The following MTMR10 variants were observed in gnomAD, a reference collection of about 807,000 sequenced individuals.
The protein encoded by MTMR10 is myotubularin related protein 10.
Under a neutral mutation model 88.1 loss-of-function variants are expected in MTMR10, and 56 were observed. The ratio of observed to expected loss-of-function variants is 0.64; its 90% CI spans 0.51 to 0.79. The LOEUF (loss-of-function observed/expected upper bound fraction) is 0.79. Ranked by LOEUF, MTMR10 falls within the 30% of genes least tolerant of loss-of-function variation. The pLI, the probability that MTMR10 is intolerant of heterozygous loss-of-function variation, is 0.00. For missense variants in MTMR10, 883 were observed against 924.7 expected (o/e 0.95, Z 0.58); for synonymous variants, 380 against 340.9 (o/e 1.11, Z -1.26).
In MTMR10 at chr15:30,939,376, G is replaced by A. The variant is rs1566939309; in HGVS notation, c.*2094C>T. Reference sequence around the variant, plus strand: ...TGCTGAGCTCTCTCTAGTGCGCCCTGTGCAGCCACACCACTGCTGTCACCA... The same window carrying A: ...TGCTGAGCTCTCTCTAGTGCGCCCTATGCAGCCACACCACTGCTGTCACCA... On this transcript the variant is annotated 3_prime_UTR_variant, in exon 16 of 16. Coordinates refer to ENST00000435680, the MANE Select transcript of MTMR10 (RefSeq NM_017762.3). 1.0e-6 allele frequency: 1 copy of A among 985,456 alleles called. No homozygotes were observed. The highest frequency in any genetic ancestry group is 1.1e-4 in the East Asian group (1 of 8,820). 61.0% of individuals were successfully genotyped at this position (985,456 alleles called of 1,614,324 possible). A position where few individuals can be genotyped will look rare whatever the true frequency, so the allele number is the denominator to read the frequency against.
At chr15:30,951,801 T>C (rs2063251098) in intron 12 of MTMR10, among the ~76,000 whole-genome samples, 167 bp downstream of exon 12, 1 of 152,160 alleles carries the variant, frequency 6.6e-6, no homozygotes. Context: ...GCCCAGCCTG[T>C]GCCACTGTTT....
At chr15:30,957,793 C>T (rs763279095) in intron 9 of MTMR10, among the ~76,000 whole-genome samples, 1 of 152,054 alleles carries the variant, frequency 6.6e-6, no homozygotes, top group African/African-American at 2.4e-5. Flanking sequence ...AAGGGAAGAG[C>T]GCTGGACAAT....
chr15:30,923,516 G>C, the MTMR10 span, among the ~76,000 whole-genome samples: 1 of 152,154 alleles, frequency 6.6e-6, no homozygotes, highest in Admixed American at 6.5e-5. Context: ...ACTGGCCATA[G>C]CTCTTGTTAT....
chr15:30,987,994 G>C (rs1200848987), intron 2 of MTMR10, among the ~76,000 whole-genome samples: 1 of 151,366 alleles, frequency 6.6e-6, no homozygotes, highest in East Asian at 1.9e-4. Flanking sequence ...TATTGATTCT[G>C]ATAGTCACAA....
At chr15:30,990,304 T>C (rs1289880226) in intron 2 of MTMR10, among the ~76,000 whole-genome samples, 2 of 152,170 alleles carry the variant, frequency 1.3e-5, no homozygotes. Flanking sequence ...TGGCCCCAAA[T>C]GTCAATTAAG....
chr15:30,926,890 G>C, the MTMR10 span: 1 of 985,450 alleles, frequency 1.0e-6, no homozygotes, highest in Non-Finnish European at 1.2e-6. Flanking sequence ...AACTCTGGCT[G>C]CCAGGCTTTA....
chr15:30,923,620 G>A, the MTMR10 span, among the ~76,000 whole-genome samples: 1 of 152,248 alleles, frequency 6.6e-6, no homozygotes, highest in East Asian at 1.9e-4. Flanking sequence ...AGCCAGCCCC[G>A]GCCTGGCCAG....
chr15:30,947,550 C>T (rs768182722), intron 13 of MTMR10, among the ~76,000 whole-genome samples: 2 of 152,184 alleles, frequency 1.3e-5, no homozygotes, highest in African/African-American at 2.4e-5. Context: ...CACAGTTGAG[C>T]GGGTTGCCAC....
intron 3 of MTMR10, among the ~76,000 whole-genome samples, chr15:30,975,327 T>C (rs1301568970): frequency 6.6e-6 from 1 of 152,144 alleles, no homozygotes; most frequent in Non-Finnish European, 1.5e-5. Context: ...GTGGGTAAAA[T>C]CATGTTTGAT....
At chr15:30,928,613 T>C in the MTMR10 span, 1 of 1,613,360 alleles carries the variant, frequency 6.2e-7, no homozygotes, top group Non-Finnish European at 8.5e-7. Context: ...TGGGACATCA[T>C]CTTCATGGAT....
intron 15 of MTMR10, chr15:30,942,294 G>A (rs1379708617): frequency 1.6e-6 from 1 of 607,092 alleles, no homozygotes; most frequent in Non-Finnish European, 2.8e-6. Context: ...AGCCTGAATG[G>A]GGGCGGGATG....
intron 14 of MTMR10, chr15:30,943,792 G>A (rs1445801598): frequency 1.0e-6 from 1 of 985,440 alleles, no homozygotes; most frequent in Non-Finnish European, 1.2e-6. Flanking sequence ...TTGTGAGGAA[G>A]ACATGGAGCT....
At chr15:30,968,213 T>C in intron 5 of MTMR10, 1 of 403,856 alleles carries the variant, frequency 2.5e-6, no homozygotes. Flanking sequence ...ACATTGTTTA[T>C]CTTTAGCTAG....
chr15:30,954,686 G>A (rs2063297260), intron 10 of MTMR10, 77 bp downstream of exon 10: 1 of 1,326,674 alleles, frequency 7.5e-7, no homozygotes, highest in African/African-American at 1.5e-5. Flanking sequence ...ACATTTTTAA[G>A]AACATCACTT....
chr15:30,958,862 C>A lies in MTMR10; in HGVS notation c.935+1G>T. On this transcript the variant is annotated splice_donor_variant, in intron 9 of 15. Coordinates refer to ENST00000435680, the MANE Select transcript of MTMR10 (RefSeq NM_017762.3). LOFTEE classifies it high-confidence loss of function. ...AGTGACAATGACCATTTCTCAATTA[C>A]CTCTGGTCAATCTTCCTCTGCTGCA... 1 of 1,613,318 alleles carries A rather than the reference C, an allele frequency of 6.2e-7. No individual in the cohort carries two copies. The highest frequency in any genetic ancestry group is 8.5e-7 in the Non-Finnish European group (1 of 1,179,310).
intron 2 of MTMR10, among the ~76,000 whole-genome samples, chr15:30,979,396 T>C (rs2088831014): frequency 6.8e-6 from 1 of 146,180 alleles, no homozygotes; most frequent in Admixed American, 6.8e-5. Context: ...CCATCTCTAT[T>C]AAAAAAAAAA....
chr15:30,925,156 G>A, the MTMR10 span: 21 of 1,613,764 alleles, frequency 1.3e-5, no homozygotes, highest in Middle Eastern at 1.6e-4. Flanking sequence ...AGGGGCTGGC[G>A]GATCCGGAAG....
At chr15:30,924,015 C>G in the MTMR10 span, among the ~76,000 whole-genome samples, 14 of 152,202 alleles carry the variant, frequency 9.2e-5, no homozygotes, top group Admixed American at 2.0e-4. Context: ...TCCCCAAGCC[C>G]TGGCGACGAC....
chr15:30,921,849 G>GCCACCCCAAACA, the MTMR10 span, among the ~76,000 whole-genome samples: 3 of 152,318 alleles, frequency 2.0e-5, no homozygotes, highest in South Asian at 6.2e-4. Context: ...AATCCCTCTT[G>GCCACCCCAAACA]CAGTTGGTCC....
Sources: gnomAD v4.1 joint callset for allele counts (sites outside exome capture counted in the v4.1 genomes callset) on GRCh38, gnomAD v4.1.1 for gene constraint, MANE v1.5 for transcripts, NCBI Gene and HGNC (gene_info 2026-07-23, HGNC 2026-07-21) for gene names.